CTNND2: variants seen among roughly 807,000 people sequenced by gnomAD.
CTNND2 encodes the protein catenin delta-2.
CTNND2 carries 22 observed loss-of-function variants against 144.4 expected under a neutral mutation model. That is an observed-to-expected ratio of 0.15 (90% CI 0.11 to 0.22). The LOEUF is 0.22. CTNND2 is among the 10% of genes least tolerant of loss of function. The probability of loss-of-function intolerance (pLI) is 1.00; values close to 1 mark genes in which losing one functional copy is unlikely to be tolerated. For synonymous variants in CTNND2, 751 were observed against 695.6 expected, an observed-to-expected ratio of 1.08 and a Z score of -1.25; for missense variants, 1,353 against 1,618.8, an observed-to-expected ratio of 0.84 and a Z score of 2.82.
chr5:11,836,999 G>T (rs1016159075), intron 1 of CTNND2, among the ~76,000 whole-genome samples: 1 of 152,172 alleles, frequency 6.6e-6, no homozygotes, highest in African/African-American at 2.4e-5. Flanking sequence ...TAACTATTAG[G>T]ATATGAGAAC....
intron 2 of CTNND2, among the ~76,000 whole-genome samples, chr5:11,651,027 T>G (rs1254564918): frequency 6.6e-6 from 1 of 152,180 alleles, no homozygotes; most frequent in Non-Finnish European, 1.5e-5. Context: ...AGCCAAATGT[T>G]AATAGCCAAA....
chr5:11,850,439 T>C (rs763966558), intron 1 of CTNND2, among the ~76,000 whole-genome samples: 27 of 152,226 alleles, frequency 1.8e-4, no homozygotes, highest in Admixed American at 2.6e-4. Flanking sequence ...TATGGACTTA[T>C]CTGCATTTAT....
At chr5:11,294,205 C>T (rs901309946) in intron 9 of CTNND2, among the ~76,000 whole-genome samples, 1 of 151,016 alleles carries the variant, frequency 6.6e-6, no homozygotes, top group Non-Finnish European at 1.5e-5. Flanking sequence ...AAAGCCAGTT[C>T]CAATTAAGAA....
intron 14 of CTNND2, among the ~76,000 whole-genome samples, chr5:11,102,838 A>T (rs372546376): frequency 3.4e-4 from 52 of 152,272 alleles, no homozygotes; most frequent in African/African-American, 8.7e-4. Flanking sequence ...AGGTCTGCTT[A>T]GGAAGGAAAT....
intron 9 of CTNND2, among the ~76,000 whole-genome samples, chr5:11,310,185 G>C (rs1274668525): frequency 6.6e-6 from 1 of 152,044 alleles, no homozygotes; most frequent in Non-Finnish European, 1.5e-5. Flanking sequence ...CTAGGCAGTG[G>C]CTAGGGAGAA....
intron 9 of CTNND2, among the ~76,000 whole-genome samples, chr5:11,293,264 G>C (rs1342707448): frequency 6.6e-6 from 1 of 152,142 alleles, no homozygotes; most frequent in African/African-American, 2.4e-5. Context: ...TCCAAGCAGG[G>C]ACAATGTTAT....
At chr5:11,614,407 C>T (rs1000626619) in intron 2 of CTNND2, among the ~76,000 whole-genome samples, 4 of 152,188 alleles carry the variant, frequency 2.6e-5, no homozygotes, top group African/African-American at 7.2e-5. Flanking sequence ...AGATTAAAAA[C>T]TCCAAGTGAT....
chr5:11,896,553 C>T (rs1287338710), intron 1 of CTNND2, among the ~76,000 whole-genome samples: 2 of 152,110 alleles, frequency 1.3e-5, no homozygotes, highest in Admixed American at 1.3e-4. Context: ...ATGCATTCAG[C>T]TAATTAATGA....
At chr5:11,764,646 C>T (rs1371244824) in intron 1 of CTNND2, among the ~76,000 whole-genome samples, 1 of 152,088 alleles carries the variant, frequency 6.6e-6, no homozygotes, top group Non-Finnish European at 1.5e-5. Flanking sequence ...TCCTTTCCCC[C>T]TGGAAGCAAA....
In CTNND2 at chr5:10,972,731, C is replaced by G. The variant is rs1342683421; in HGVS notation, c.*722G>C. 6.6e-6 allele frequency: 1 copy of G among 151,690 alleles called. No homozygotes were observed. Among genetic ancestry groups the G allele is most frequent in the Non-Finnish European group, 1.5e-5 (1 of 67,910 alleles). The allele number at this position is 151,690 out of a possible 1,614,324, so 9.4% of individuals were successfully genotyped here. On this transcript the variant is annotated 3_prime_UTR_variant, in exon 22 of 22. Transcript: ENST00000304623. ...CTTGTTTAGTTGTCACAAACAAATT[C>G]ACATATCAGAACGAACAATACTGCT...
At chr5:11,622,090 GCTCA>G (rs1780874371) in intron 2 of CTNND2, among the ~76,000 whole-genome samples, 2 of 152,112 alleles carry the variant, frequency 1.3e-5, no homozygotes, top group Non-Finnish European at 2.9e-5. Context: ...TTATCATAAT[GCTCA>G]CTAAGAAATA....
intron 16 of CTNND2, among the ~76,000 whole-genome samples, chr5:11,031,445 T>C (rs1050840224): frequency 6.6e-6 from 1 of 152,188 alleles, no homozygotes; most frequent in African/African-American, 2.4e-5. Flanking sequence ...ATTGACCAAA[T>C]ATACTGTACT....
At position 11,290,910 on chromosome 5, in the gene CTNND2, TTTG is replaced by T. The variant is rs1230818821; in HGVS notation, c.1629-54090_1629-54088del. 3.9e-5 allele frequency among the ~76,000 whole-genome samples: 6 copies of T among 152,284 alleles called. No homozygotes were observed. The East Asian group carries it at 1.2e-3, about 29-fold the overall frequency. The stretch of plus-strand genomic sequence containing the variant: ...GAAGGGACACGTGCTGGCAGCTGGC[TTTG>T]TGAAGTTTAATTAAACCGTTGATTT... On this transcript the variant is annotated intron_variant, in intron 9 of 21. Transcript: ENST00000304623.
chr5:11,829,532 G>A (rs532249620), intron 1 of CTNND2, among the ~76,000 whole-genome samples: 10 of 152,314 alleles, frequency 6.6e-5, no homozygotes, highest in South Asian at 2.1e-4. Context: ...AGCCCCAAGC[G>A]TTGTCAGCTT....
intron 16 of CTNND2, among the ~76,000 whole-genome samples, chr5:11,035,748 A>G (rs2149558806): frequency 1.3e-5 from 2 of 152,292 alleles, no homozygotes; most frequent in East Asian, 1.9e-4. Context: ...CTGTGTGTTA[A>G]TATGTAAAAT....
At chr5:11,106,257 G>A (rs1752420455) in intron 14 of CTNND2, among the ~76,000 whole-genome samples, 1 of 152,182 alleles carries the variant, frequency 6.6e-6, no homozygotes, top group African/African-American at 2.4e-5. Context: ...TAACTACACA[G>A]ATGTTCATTA....
chr5:11,043,680 C>G (rs1744923794), intron 16 of CTNND2, among the ~76,000 whole-genome samples: 1 of 152,046 alleles, frequency 6.6e-6, no homozygotes, highest in South Asian at 2.1e-4. Flanking sequence ...TATATCTGAG[C>G]CAAGTGATGA....
chr5:11,194,526 A>C (rs1179370223), intron 11 of CTNND2, among the ~76,000 whole-genome samples: 1 of 152,216 alleles, frequency 6.6e-6, no homozygotes, highest in Non-Finnish European at 1.5e-5. Context: ...CCCCACTACA[A>C]CAGTTCCCTC....
At chr5:11,667,971 C>A (rs918939457) in intron 2 of CTNND2, among the ~76,000 whole-genome samples, 3 of 152,162 alleles carry the variant, frequency 2.0e-5, no homozygotes, top group African/African-American at 7.2e-5. Flanking sequence ...CCAGTTCCAG[C>A]TTTCTGCATA....
Sources: gnomAD v4.1 joint callset for allele counts (sites outside exome capture counted in the v4.1 genomes callset) on GRCh38, gnomAD v4.1.1 for gene constraint, MANE v1.5 for transcripts, NCBI Gene and HGNC (gene_info 2026-07-23, HGNC 2026-07-21) for gene names.